The following HS3ST5 variants were observed in gnomAD, a reference collection of about 807,000 sequenced individuals.
The protein encoded by HS3ST5 is heparan sulfate glucosamine 3-O-sulfotransferase 5.
A neutral mutation model predicts 25.4 loss-of-function variants in HS3ST5; 10 were observed. The ratio of observed to expected loss-of-function variants is 0.39; its 90% CI spans 0.24 to 0.67. The LOEUF is 0.67. Ranked by LOEUF, HS3ST5 falls within the 30% of genes least tolerant of loss-of-function variation. The pLI, the probability that HS3ST5 is intolerant of heterozygous loss-of-function variation, is 0.44. For synonymous variants in HS3ST5, 170 were observed against 162.4 expected, an observed-to-expected ratio of 1.05 and a Z score of -0.36; for missense variants, 324 against 420.7, an observed-to-expected ratio of 0.77 and a Z score of 2.01.
intron 3 of HS3ST5, among the ~76,000 whole-genome samples, chr6:114,166,514 A>C (rs1244328151): frequency 6.6e-6 from 1 of 152,202 alleles, no homozygotes; most frequent in Non-Finnish European, 1.5e-5. Flanking sequence ...TACTTCATAT[A>C]AATTGTATAG....
Position 114,108,497 on chromosome 6 carries a change from C to T in HS3ST5, c.-32-45620G>A, listed in dbSNP as rs547706407. On this transcript the variant is annotated intron_variant, in intron 3 of 4. Coordinates refer to ENST00000312719, the MANE Select transcript of HS3ST5 (RefSeq NM_153612.4). ...CTTGTGGCCACCTGGTGATGCCGGC[C>T]CCTAGAAGAGCCTGTCCAGTGCACA... is the stretch of plus-strand genomic sequence containing the variant. Among the ~76,000 whole-genome samples the T allele has an allele frequency of 7.9e-5, 12 of 152,146 alleles. No individual in the cohort carries two copies. The South Asian group carries it at 2.3e-3, about 29-fold the overall frequency.
In HS3ST5 at chr6:114,062,855, T is replaced by A; in HGVS notation, c.-10A>T. The A allele has an allele frequency of 1.2e-6, 2 of 1,610,264 alleles. No homozygotes were observed. The highest frequency in any genetic ancestry group is 1.1e-5 in the South Asian group (1 of 91,000). On this transcript the variant is annotated 5_prime_UTR_variant, in exon 4 of 5. The change abolishes an upstream ATG in the 5' untranslated region. Transcript: ENST00000312719. ...GCTGTTTGAATAGCATGGCCCTCCA[T>A]CAACCTTCAGGACTGCTGCAGCCTG...
intron 2 of HS3ST5, among the ~76,000 whole-genome samples, chr6:114,185,741 C>CTT (rs780172108): frequency 1.5e-5 from 2 of 133,596 alleles, no homozygotes; most frequent in African/African-American, 5.5e-5. Flanking sequence ...TTCTTTCTTT[C>CTT]TTTTTTTTTT....
chr6:114,192,527 G>A (rs1453988152), intron 2 of HS3ST5, among the ~76,000 whole-genome samples: 1 of 152,044 alleles, frequency 6.6e-6, no homozygotes, highest in Non-Finnish European at 1.5e-5. Flanking sequence ...AGGTTTTTTT[G>A]AAGGAATTTG....
chr6:114,089,517 T>C (rs978537109), intron 3 of HS3ST5, among the ~76,000 whole-genome samples: 2 of 152,250 alleles, frequency 1.3e-5, no homozygotes, highest in South Asian at 2.1e-4. Flanking sequence ...ACCTGTCTTA[T>C]GTATTCTATA....
chr6:114,283,069 G>C (rs1029884930), intron 1 of HS3ST5, among the ~76,000 whole-genome samples: 9 of 151,846 alleles, frequency 5.9e-5, no homozygotes, highest in Non-Finnish European at 1.0e-4. Context: ...TGAAGCTACA[G>C]GGAGAGAAAG....
intron 1 of HS3ST5, among the ~76,000 whole-genome samples, chr6:114,333,516 T>A (rs555550510): frequency 6.6e-6 from 1 of 152,148 alleles, no homozygotes; most frequent in Non-Finnish European, 1.5e-5. Context: ...AATGCTGCTA[T>A]AAATAACCCT....
chr6:114,182,137 AT>A (rs1338241991), intron 2 of HS3ST5, among the ~76,000 whole-genome samples: 2 of 152,174 alleles, frequency 1.3e-5, no homozygotes, highest in African/African-American at 4.8e-5. Flanking sequence ...ATTCTTGGAA[AT>A]ATTGTAACAA....
chr6:114,305,764 G>T (rs537284786), intron 1 of HS3ST5, among the ~76,000 whole-genome samples: 3 of 152,146 alleles, frequency 2.0e-5, no homozygotes, highest in East Asian at 3.9e-4. Context: ...TTTGATTCAT[G>T]CTAAGGCACC....
chr6:114,223,405 G>A (rs1462695797), intron 2 of HS3ST5, among the ~76,000 whole-genome samples: 1 of 151,758 alleles, frequency 6.6e-6, no homozygotes, highest in Non-Finnish European at 1.5e-5. Flanking sequence ...TGAAGAATGT[G>A]TTACCTGGAA....
chr6:114,204,541 C>A (rs900426903), intron 2 of HS3ST5, among the ~76,000 whole-genome samples: 1 of 152,080 alleles, frequency 6.6e-6, no homozygotes, highest in Non-Finnish European at 1.5e-5. Flanking sequence ...TTTTTTAAAT[C>A]TAAAACTTCT....
intron 2 of HS3ST5, chr6:114,178,783 G>C (rs1779835285): frequency 1.3e-5 from 2 of 151,998 alleles, no homozygotes; most frequent in Admixed American, 6.6e-5. Context: ...AAAGGGGAGA[G>C]ATGAGGGAGA....
chr6:114,179,959 A>G lies in HS3ST5; in HGVS notation c.-144-11497T>C, dbSNP rs111680319. Among the ~76,000 whole-genome samples, 691 of 152,162 alleles carry G rather than the reference A, an allele frequency of 4.5e-3. 10 individuals carry two copies. Among genetic ancestry groups the G allele is most frequent in the African/African-American group, 0.016 (658 of 41,508 alleles). Reference sequence around the variant, plus strand: ...TTGAGGGCAGGAAGCATCCAGCAGAAGAGAAAGATGAAGGCCAGAAGACTC... The same window carrying G: ...TTGAGGGCAGGAAGCATCCAGCAGAGGAGAAAGATGAAGGCCAGAAGACTC... On this transcript the variant is annotated intron_variant, in intron 2 of 4. Coordinates refer to ENST00000312719, the MANE Select transcript of HS3ST5 (RefSeq NM_153612.4).
chr6:114,120,444 C>T (rs1582622464), intron 3 of HS3ST5, among the ~76,000 whole-genome samples: 1 of 152,118 alleles, frequency 6.6e-6, no homozygotes, highest in Admixed American at 6.5e-5. Context: ...TACTTTGATG[C>T]CTTTCATATC....
chr6:114,324,181 A>C (rs1014381036), intron 1 of HS3ST5, among the ~76,000 whole-genome samples: 2 of 152,236 alleles, frequency 1.3e-5, no homozygotes, highest in Non-Finnish European at 2.9e-5. Context: ...TTTAGACAAC[A>C]GGGCTGCCAG....
chr6:114,294,200 A>G (rs908134801), intron 1 of HS3ST5, among the ~76,000 whole-genome samples: 1 of 152,190 alleles, frequency 6.6e-6, no homozygotes, highest in African/African-American at 2.4e-5. Flanking sequence ...TTGGGAAAAG[A>G]GAGCTGATGC....
At chr6:114,330,188 ATAGACACC>A (rs1776337190) in intron 1 of HS3ST5, among the ~76,000 whole-genome samples, 1 of 152,190 alleles carries the variant, frequency 6.6e-6, no homozygotes, top group Non-Finnish European at 1.5e-5. Flanking sequence ...AACACATTAA[ATAGACACC>A]TTTAAAAAGT....
At chr6:114,186,444 C>T (rs1780220658) in intron 2 of HS3ST5, among the ~76,000 whole-genome samples, 1 of 152,100 alleles carries the variant, frequency 6.6e-6, no homozygotes, top group South Asian at 2.1e-4. Flanking sequence ...CCAGCCACAA[C>T]CTTCCCCTAA....
chr6:114,069,697 A>G (rs1019039908), intron 3 of HS3ST5, among the ~76,000 whole-genome samples: 4 of 150,572 alleles, frequency 2.7e-5, no homozygotes, highest in Non-Finnish European at 5.9e-5. Context: ...TTTTTTTTGT[A>G]TTTTAGTAGA....
Sources: allele counts gnomAD v4.1 joint callset (sites outside exome capture counted in the v4.1 genomes callset), GRCh38; gene constraint gnomAD v4.1.1; transcripts MANE v1.5; gene names NCBI Gene and HGNC (gene_info 2026-07-23, HGNC 2026-07-21).